The following SNAPC2 variants were observed in gnomAD, a reference collection of about 807,000 sequenced individuals.
SNAPC2 encodes small nuclear RNA activating complex polypeptide 2.
SNAPC2 carries 27 observed loss-of-function variants against 22.9 expected under a neutral mutation model. The observed-to-expected ratio is 1.18, with a 90% CI of 0.87 to 1.63. The LOEUF is 1.63. SNAPC2 is among the 40% of genes most tolerant of loss of function. The pLI is 0.00. For synonymous variants in SNAPC2, 272 were observed against 201.0 expected (o/e 1.35, Z -2.99); for missense variants, 570 against 449.1 (o/e 1.27, Z -2.43).
intron 1 of SNAPC2, 130 bp downstream of exon 1, chr19:7,920,679 G>C: frequency 1.7e-6 from 1 of 596,396 alleles, no homozygotes; most frequent in East Asian, 3.6e-5. Flanking sequence ...CGTGGCGTGG[G>C]GCTGAGTGGC....
At position 7,921,428 on chromosome 19, in the gene SNAPC2, G is replaced by C. The variant is rs1450924290; in HGVS notation, c.189G>C (p.Arg63=). ...ELRGRSEAEI[R]VFLQQLKGRV... ...GCCGCCTCTTTCCTTTCTAGATCCG[G>C]GTCTTCCTCCAGCAGCTCAAGGGCC... Residue 63 remains arginine, a synonymous_variant, in exon 2 of 5, where the codon CGG becomes CGC. Coordinates refer to ENST00000221573, the MANE Select transcript of SNAPC2 (RefSeq NM_003083.4). The C allele has an allele frequency of 5.6e-6, 9 of 1,613,820 alleles. No homozygotes were observed. The highest frequency in any genetic ancestry group is 7.6e-6 in the Non-Finnish European group (9 of 1,179,826).
At chr19:7,921,892 G>A in intron 3 of SNAPC2, 119 bp downstream of exon 3, 2 of 1,365,938 alleles carry the variant, frequency 1.5e-6, no homozygotes, top group Non-Finnish European at 2.1e-6. Context: ...TCAGTCACTG[G>A]ACACCTCGAG....
rs775977487 is a variant in SNAPC2, at chr19:7,920,463, G to C, written c.97G>C (p.Val33Leu). ...GAGCGCTCGCGAGAAGCGGCAGCTA[G>C]TGCGACTCCTGCAGGCGCGGCAGGG... The part of the protein sequence containing the change: ...TWSAREKRQL[V>L]RLLQARQGQP... The change falls in exon 1 of 5, where the codon GTG becomes CTG. Residue 33 changes from valine (V) to leucine (L), a missense_variant. Transcript: ENST00000221573. 1.9e-5 allele frequency: 29 copies of C among 1,544,490 alleles called. No homozygotes were observed. The highest frequency in any genetic ancestry group is 2.3e-5 in the Non-Finnish European group (27 of 1,154,016).
At chr19:7,921,282 C>T in intron 1 of SNAPC2, 141 bp from the exon 2 acceptor site, 1 of 1,468,494 alleles carries the variant, frequency 6.8e-7, no homozygotes, top group South Asian at 1.2e-5. Context: ...CCTTGGCAGT[C>T]ACTGGGACTC....
rs1599641374 is a variant in SNAPC2, at chr19:7,922,542, A to C, written c.783A>C (p.Leu261=). Residue 261 remains leucine, a synonymous_variant, in exon 5 of 5, where the codon CTA becomes CTC. Transcript: ENST00000221573. ...TTGAGCATATGACGGAGACGTACCT[A>C]CGCCTGACAGCCCCCCAGCCCATTC... ...ALVEHMTETY[L]RLTAPQPIPA... 1 of 1,612,804 alleles carries C rather than the reference A, an allele frequency of 6.2e-7. No individual in the cohort carries two copies. Among genetic ancestry groups the C allele is most frequent in the Non-Finnish European group, 8.5e-7 (1 of 1,179,496 alleles).
At chr19:7,920,984 G>A (rs866560721) in intron 1 of SNAPC2, 26 of 1,134,314 alleles carry the variant, frequency 2.3e-5, no homozygotes, top group Middle Eastern at 3.8e-4. Flanking sequence ...ATGAGGGCAA[G>A]CTTTAAAGGC....
intron 3 of SNAPC2, 30 bp from the exon 4 acceptor site, chr19:7,922,005 C>G (rs777636845): frequency 1.3e-6 from 2 of 1,585,008 alleles, no homozygotes; most frequent in East Asian, 2.2e-5. Flanking sequence ...TTCCCAGCTC[C>G]TCTTCCTCCC....
Position 7,922,884 on chromosome 19 carries a change from G to C in SNAPC2, c.*120G>C, listed in dbSNP as rs750197195. ...GGGAAGGTCCTTGAGATGATGCTCAGCTGTGGGGCGGGCCTCTAAGATGCC... is the reference window on the plus strand; with the variant it reads ...GGGAAGGTCCTTGAGATGATGCTCACCTGTGGGGCGGGCCTCTAAGATGCC... On this transcript the variant is annotated 3_prime_UTR_variant, in exon 5 of 5. Coordinates refer to ENST00000221573, the MANE Select transcript of SNAPC2 (RefSeq NM_003083.4). 1 of 799,502 alleles carries C rather than the reference G, an allele frequency of 1.3e-6. No individual in the cohort carries two copies. The highest frequency in any genetic ancestry group is 2.0e-6 in the Non-Finnish European group (1 of 511,148). The allele number at this position is 799,502 out of a possible 1,614,324, so 49.5% of individuals were successfully genotyped here.
At chr19:7,921,676 G>A (rs368642880) in intron 2 of SNAPC2, 29 bp from the exon 3 acceptor site, 6 of 1,612,406 alleles carry the variant, frequency 3.7e-6, no homozygotes, top group Non-Finnish European at 5.1e-6. Context: ...TGATCCCTGG[G>A]CTGACCCTGT....
chr19:7,920,483 G>T lies in SNAPC2; in HGVS notation c.117G>T (p.Arg39=). 1 of 1,519,156 alleles carries T rather than the reference G, an allele frequency of 6.6e-7. No homozygotes were observed. The allele number at this position is 1,519,156 out of a possible 1,614,324, so 94.1% of individuals were successfully genotyped here. Residue 39 remains arginine (R), a synonymous_variant, in exon 1 of 5, where the codon CGG becomes CGT. Transcript: ENST00000221573. ...AGCTAGTGCGACTCCTGCAGGCGCG[G>T]CAGGGCCAGCCGGAGCCGGACGCCA... is the stretch of plus-strand genomic sequence containing the variant. ...KRQLVRLLQA[R]QGQPEPDATE...
intron 1 of SNAPC2, 38 bp downstream of exon 1, chr19:7,920,587 G>C: frequency 1.7e-6 from 2 of 1,160,300 alleles, no homozygotes; most frequent in Non-Finnish European, 2.3e-6. Context: ...CAGGCTGGAG[G>C]CGGGGCTGGG....
chr19:7,920,550 G>T lies in SNAPC2; in HGVS notation c.183+1G>T. 1 of 1,369,754 alleles carries T rather than the reference G, an allele frequency of 7.3e-7. No individual in the cohort carries two copies. 84.9% of individuals were successfully genotyped at this position (1,369,754 alleles called of 1,614,324 possible). A position where few individuals can be genotyped will look rare whatever the true frequency, so the allele number is the denominator to read the frequency against. On this transcript the variant is annotated splice_donor_variant, in intron 1 of 4. Coordinates refer to ENST00000221573, the MANE Select transcript of SNAPC2 (RefSeq NM_003083.4). LOFTEE classifies it high-confidence loss of function. ...GCTGCGGGGCCGGAGCGAGGCTGAGGTGAGATGCGGTTCTCGGGACCGGAG... is the reference window on the plus strand; with the variant it reads ...GCTGCGGGGCCGGAGCGAGGCTGAGTTGAGATGCGGTTCTCGGGACCGGAG...
At chr19:7,920,909 G>T in intron 1 of SNAPC2, 1 of 1,094,088 alleles carries the variant, frequency 9.1e-7, no homozygotes, top group Non-Finnish European at 1.1e-6. Context: ...GGCGTGGGCG[G>T]GTTAATAGCA....
chr19:7,922,105 G>A lies in SNAPC2; in HGVS notation c.443G>A (p.Arg148His), dbSNP rs774770237. The A allele has an allele frequency of 3.7e-6, 6 of 1,613,744 alleles. No individual in the cohort carries two copies. The highest frequency in any genetic ancestry group is 2.2e-5 in the South Asian group (2 of 91,082). ...AAGCCCCCCAAGCCCACGCAGGCCC[G>A]TGGAAAGCCTTTGCTCCTGAGCGCC... ...HSKPPKPTQA[R>H]GKPLLLSAPG... Residue 148 changes from arginine (R) to histidine (H), a missense_variant, in exon 4 of 5, where the codon CGT becomes CAT. Physicochemically the swap from Arg to His is conservative, Grantham distance 29. Transcript: ENST00000221573.
Position 7,921,983 on chromosome 19 carries a change from C to T in SNAPC2, c.373-52C>T, listed in dbSNP as rs550490259. Reference sequence around the variant, plus strand: ...CAGGGAGGATGGGGGAATGTGTAGACGGTGAGAAGACTTCCCAGCTCCTCT... The same window carrying T: ...CAGGGAGGATGGGGGAATGTGTAGATGGTGAGAAGACTTCCCAGCTCCTCT... On this transcript the variant is annotated intron_variant, in intron 3 of 4. Transcript: ENST00000221573. The T allele has an allele frequency of 8.5e-5, 132 of 1,550,048 alleles. No individual in the cohort carries two copies. The South Asian group carries it at 1.3e-3, about 15-fold the overall frequency.
rs1983636386 is a variant in SNAPC2 at position 7,922,849 on chromosome 19, C to A, written c.*85C>A. 4 of 1,101,626 alleles carry A rather than the reference C, an allele frequency of 3.6e-6. No individual in the cohort carries two copies. The highest frequency in any genetic ancestry group is 5.2e-6 in the Non-Finnish European group (4 of 769,970). 68.2% of individuals were successfully genotyped at this position (1,101,626 alleles called of 1,614,324 possible). A position where few individuals can be genotyped will look rare whatever the true frequency, so the allele number is the denominator to read the frequency against. ...GCTGGCCCTGGCTCTTTCTGAGGATCCCGTCATGGGGGAAGGTCCTTGAGA... is the reference window on the plus strand; with the variant it reads ...GCTGGCCCTGGCTCTTTCTGAGGATACCGTCATGGGGGAAGGTCCTTGAGA... On this transcript the variant is annotated 3_prime_UTR_variant, in exon 5 of 5. Coordinates refer to ENST00000221573, the MANE Select transcript of SNAPC2 (RefSeq NM_003083.4).
Position 7,922,972 on chromosome 19 carries a change from G to T in SNAPC2, c.*208G>T. 1.9e-6 allele frequency: 1 copy of T among 520,926 alleles called. No homozygotes were observed. The highest frequency in any genetic ancestry group is 3.4e-6 in the Non-Finnish European group (1 of 296,406). 32.3% of individuals were successfully genotyped at this position (520,926 alleles called of 1,614,324 possible). A position where few individuals can be genotyped will look rare whatever the true frequency, so the allele number is the denominator to read the frequency against. ...TACAGGGGTTGGGTGGGGGTTGCAG[G>T]ACTCCACTCACAAGCCTCCTGATGT... On this transcript the variant is annotated 3_prime_UTR_variant, in exon 5 of 5. Coordinates refer to ENST00000221573, the MANE Select transcript of SNAPC2 (RefSeq NM_003083.4).
intron 3 of SNAPC2, 115 bp downstream of exon 3, chr19:7,921,888 A>G (rs757062109): frequency 4.3e-5 from 59 of 1,367,140 alleles, no homozygotes; most frequent in Non-Finnish European, 5.7e-5. Flanking sequence ...TCCGTCAGTC[A>G]CTGGACACCT....
chr19:7,921,891 G>C (rs1983587218), intron 3 of SNAPC2, 118 bp downstream of exon 3: 3 of 1,368,584 alleles, frequency 2.2e-6, no homozygotes, highest in Non-Finnish European at 3.1e-6. Flanking sequence ...GTCAGTCACT[G>C]GACACCTCGA....
Sources: allele counts gnomAD v4.1 joint callset, GRCh38; gene constraint gnomAD v4.1.1; transcripts MANE v1.5; gene names NCBI Gene and HGNC (gene_info 2026-07-23, HGNC 2026-07-21).